The following EVA1C variants were observed in gnomAD, a reference collection of about 807,000 sequenced individuals.
EVA1C encodes protein eva-1 homolog C.
In EVA1C, 25 loss-of-function variants were observed where a neutral mutation model predicts 45.4. The ratio of observed to expected loss-of-function variants is 0.55; its 90% CI spans 0.40 to 0.77. The LOEUF is 0.77. Ranked by LOEUF, EVA1C falls within the 30% of genes least tolerant of loss-of-function variation. EVA1C has a pLI of 0.00. For synonymous variants in EVA1C, 190 were observed against 221.2 expected, an observed-to-expected ratio of 0.86 and a Z score of 1.25; for missense variants, 479 against 554.8, an observed-to-expected ratio of 0.86 and a Z score of 1.37.
chr21:32,512,561 C>T (rs2037992011), intron 7 of EVA1C, among the ~76,000 whole-genome samples: 1 of 152,164 alleles, frequency 6.6e-6, no homozygotes, highest in East Asian at 1.9e-4. Context: ...ACGACACCAC[C>T]ACTGGGAGAG....
rs2035046728 is a variant in EVA1C, at chr21:32,438,467, ACAGAGT to A, written c.161-14844_161-14839del. ...ATGCCACTGCACTCCAGCCTGGGTG[ACAGAGT>A]GAGACTCTGTCTCAAAAAAAAAAAA... On this transcript the variant is annotated intron_variant, in intron 1 of 7. Transcript: ENST00000300255. Among the ~76,000 whole-genome samples the A allele has an allele frequency of 2.9e-5, 4 of 139,308 alleles. No individual in the cohort carries two copies. In the South Asian group the frequency reaches 7.7e-4, roughly 27 times the overall value. 91.4% of individuals were successfully genotyped at this position (139,308 alleles called of 152,430 possible).
At chr21:32,505,526 TTACCCCAAC>T (rs900140574) in intron 7 of EVA1C, among the ~76,000 whole-genome samples, 12 of 152,270 alleles carry the variant, frequency 7.9e-5, no homozygotes, top group African/African-American at 1.4e-4. Context: ...GCTGTGTGCT[TTACCCCAAC>T]TACCTTGTCC....
intron 4 of EVA1C, among the ~76,000 whole-genome samples, chr21:32,483,158 C>T (rs2036853931): frequency 6.6e-6 from 1 of 152,094 alleles, no homozygotes; most frequent in African/African-American, 2.4e-5. Flanking sequence ...CACGCCCGGC[C>T]CTCCCTGCCA....
chr21:32,510,884 TAAA>T (rs2037924364), intron 7 of EVA1C, among the ~76,000 whole-genome samples: 1 of 151,660 alleles, frequency 6.6e-6, no homozygotes, highest in South Asian at 2.1e-4. Context: ...AAAAATATAA[TAAA>T]AAGTTAGCTA....
chr21:32,490,822 C>A (rs1277183100), intron 4 of EVA1C, among the ~76,000 whole-genome samples: 2 of 152,220 alleles, frequency 1.3e-5, no homozygotes, highest in Non-Finnish European at 2.9e-5. Flanking sequence ...TCAAGACTTT[C>A]TTCCCGTGAG....
intron 4 of EVA1C, among the ~76,000 whole-genome samples, chr21:32,469,820 T>C (rs1274345987): frequency 6.6e-6 from 1 of 152,202 alleles, no homozygotes; most frequent in Non-Finnish European, 1.5e-5. Context: ...CTTCATCTGA[T>C]GAGATGAGGC....
intron 1 of EVA1C, among the ~76,000 whole-genome samples, chr21:32,418,267 C>G (rs1042119205): frequency 6.6e-6 from 1 of 152,028 alleles, no homozygotes; most frequent in African/African-American, 2.4e-5. Flanking sequence ...AAAAACAAAC[C>G]AAATGTCCGA....
At chr21:32,488,939 A>G (rs930350790) in intron 4 of EVA1C, among the ~76,000 whole-genome samples, 26 of 152,272 alleles carry the variant, frequency 1.7e-4, no homozygotes, top group African/African-American at 6.3e-4. Context: ...TCCTTTGCCC[A>G]CTTTTTAACT....
At chr21:32,489,992 T>C (rs891155462) in intron 4 of EVA1C, among the ~76,000 whole-genome samples, 1 of 152,072 alleles carries the variant, frequency 6.6e-6, no homozygotes, top group African/African-American at 2.4e-5. Context: ...TTAGTAGAGA[T>C]GGGGTTTCAC....
intron 1 of EVA1C, among the ~76,000 whole-genome samples, chr21:32,438,953 A>C (rs765598544): frequency 1.3e-5 from 2 of 152,062 alleles, no homozygotes; most frequent in Non-Finnish European, 2.9e-5. Context: ...CATAAGATTG[A>C]AGCCAGGCTC....
intron 4 of EVA1C, among the ~76,000 whole-genome samples, chr21:32,472,303 CAT>C (rs1201844910): frequency 0.013 from 1,961 of 152,216 alleles, 33 homozygotes; most frequent in Admixed American, 0.038. Context: ...GGACTACAGG[CAT>C]GTGCCACCAC....
intron 1 of EVA1C, among the ~76,000 whole-genome samples, chr21:32,433,462 C>T (rs371121993): frequency 2.6e-5 from 4 of 152,094 alleles, no homozygotes; most frequent in Non-Finnish European, 4.4e-5. Context: ...TTGTCTCTGG[C>T]GCGTTATCAG....
chr21:32,433,237 T>C (rs1194674161), intron 1 of EVA1C: 1 of 152,256 alleles, frequency 6.6e-6, no homozygotes, highest in Non-Finnish European at 1.5e-5. Context: ...CAAGGCCTTT[T>C]TACCCACAGA....
chr21:32,412,007 G>T (rs935445734), upstream of EVA1C: 1 of 152,310 alleles, frequency 6.6e-6, no homozygotes, highest in Admixed American at 6.5e-5. Flanking sequence ...TGTTTGCGCC[G>T]GTGCAGTGTC....
intron 3 of EVA1C, among the ~76,000 whole-genome samples, chr21:32,458,499 T>TTTTA (rs2035872985): frequency 1.3e-5 from 2 of 150,256 alleles, no homozygotes; most frequent in African/African-American, 2.5e-5. Flanking sequence ...TTTTTTTTTT[T>TTTTA]GAGACAGAGT....
Position 32,412,817 on chromosome 21 carries a change from C to T in EVA1C, c.-37C>T, listed in dbSNP as rs2033872126. ...CTTAGCCCTGCGACCCCCAGCGCGT[C>T]CCGGGCCTGCGCCTCCGCCCCGCCG... On this transcript the variant is annotated 5_prime_UTR_variant, in exon 1 of 8. Coordinates refer to ENST00000300255, the MANE Select transcript of EVA1C (RefSeq NM_058187.5). 5.1e-6 allele frequency: 7 copies of T among 1,362,686 alleles called. No individual in the cohort carries two copies. The highest frequency in any genetic ancestry group is 6.6e-6 in the Non-Finnish European group (7 of 1,066,548). 84.4% of individuals were successfully genotyped at this position (1,362,686 alleles called of 1,614,324 possible). A position where few individuals can be genotyped will look rare whatever the true frequency, so the allele number is the denominator to read the frequency against.
chr21:32,416,668 A>C (rs1357531187), intron 1 of EVA1C, among the ~76,000 whole-genome samples: 1 of 152,006 alleles, frequency 6.6e-6, no homozygotes, highest in African/African-American at 2.4e-5. Flanking sequence ...TTTCTCCAAG[A>C]AGTTCAAAGT....
At chr21:32,415,676 G>A (rs1355062972) in intron 1 of EVA1C, among the ~76,000 whole-genome samples, 8 of 151,924 alleles carry the variant, frequency 5.3e-5, no homozygotes, top group African/African-American at 1.5e-4. Flanking sequence ...GTCCATGCTC[G>A]TGACTTGTTC....
intron 7 of EVA1C, among the ~76,000 whole-genome samples, chr21:32,513,638 G>A (rs1240974108): frequency 7.4e-6 from 1 of 135,640 alleles, no homozygotes; most frequent in Non-Finnish European, 1.5e-5. Flanking sequence ...CCAGGCTCAA[G>A]TGATCCTCCC....
Sources: gnomAD v4.1 joint callset for allele counts (sites outside exome capture counted in the v4.1 genomes callset) on GRCh38, gnomAD v4.1.1 for gene constraint, MANE v1.5 for transcripts, NCBI Gene and HGNC (gene_info 2026-07-23, HGNC 2026-07-21) for gene names.